Variants in ERI1 observed in about 807,000 individuals in gnomAD.
ERI1 encodes the protein exoribonuclease 1.
ERI1 carries 39 observed loss-of-function variants against 39.7 expected under a neutral mutation model. The ratio of observed to expected loss-of-function variants is 0.98; its 90% CI spans 0.76 to 1.28. The LOEUF (loss-of-function observed/expected upper bound fraction) is 1.28, where lower values mean the gene tolerates loss of function less well. Among genes scored for constraint, ERI1 ranks in the 50% most tolerant of loss-of-function variants. The probability of loss-of-function intolerance (pLI) is 0.00; values close to 1 mark genes in which losing one functional copy is unlikely to be tolerated. For missense variants in ERI1, 581 were observed against 416.9 expected (o/e 1.39, Z -3.43); for synonymous variants, 204 against 149.6 (o/e 1.36, Z -2.65).
intron 3 of ERI1, among the ~76,000 whole-genome samples, chr8:9,074,795 A>T (rs1271841567): frequency 6.6e-6 from 1 of 152,154 alleles, no homozygotes; most frequent in Admixed American, 6.5e-5. Flanking sequence ...TTTCCTTTTT[A>T]AAAATTTCTA....
At chr8:9,047,574 C>G (rs1450623878) in intron 3 of ERI1, among the ~76,000 whole-genome samples, 1 of 151,804 alleles carries the variant, frequency 6.6e-6, no homozygotes, top group Non-Finnish European at 1.5e-5. Flanking sequence ...AGGTGCATAT[C>G]TGCAGTCCCA....
chr8:9,035,167 T>C (rs1444150297), downstream of ERI1, among the ~76,000 whole-genome samples: 1 of 152,014 alleles, frequency 6.6e-6, no homozygotes, highest in African/African-American at 2.4e-5. Flanking sequence ...ATGTAGAAAT[T>C]ATAGCAAGTT....
chr8:9,037,557 C>A (rs1362655557), downstream of ERI1, among the ~76,000 whole-genome samples: 1 of 151,316 alleles, frequency 6.6e-6, no homozygotes, highest in Non-Finnish European at 1.5e-5. Flanking sequence ...CAGGTTCTTA[C>A]TTGTATCTCA....
chr8:9,057,351 C>A (rs967833621), intron 3 of ERI1, among the ~76,000 whole-genome samples: 1 of 152,194 alleles, frequency 6.6e-6, no homozygotes, highest in Admixed American at 6.5e-5. Context: ...AGGTGCTTTG[C>A]CCAACTCTGG....
At chr8:9,076,804 A>T (rs1031322456) in intron 3 of ERI1, among the ~76,000 whole-genome samples, 8 of 152,160 alleles carry the variant, frequency 5.3e-5, no homozygotes, top group Admixed American at 2.0e-4. Context: ...GGAAGCGGGG[A>T]TGTGTGTTCT....
intron 1 of ERI1, among the ~76,000 whole-genome samples, chr8:9,005,616 G>T (rs1005167447): frequency 6.7e-6 from 1 of 150,170 alleles, no homozygotes; most frequent in Admixed American, 6.7e-5. Flanking sequence ...ACGGGTTCAC[G>T]CCATTCTCCT....
chr8:9,018,887 C>G (rs1817590857), intron 5 of ERI1, among the ~76,000 whole-genome samples: 1 of 152,132 alleles, frequency 6.6e-6, no homozygotes, highest in South Asian at 2.1e-4. Context: ...TTTTCAAAGC[C>G]CATCTTGTGT....
intron 3 of ERI1, among the ~76,000 whole-genome samples, chr8:9,013,798 A>G (rs75014458): frequency 0.017 from 2,650 of 152,178 alleles, 83 homozygotes; most frequent in African/African-American, 0.059. Flanking sequence ...AAAACTTTGG[A>G]GTCATCTTTG....
At chr8:9,040,729 T>TGGG (rs5889257) in intron 3 of ERI1, among the ~76,000 whole-genome samples, 2 of 148,528 alleles carry the variant, frequency 1.3e-5, no homozygotes, top group African/African-American at 5.0e-5. Context: ...AGTGTGTGTG[T>TGGG]GGGGGGGGGG....
chr8:9,056,706 T>G (rs1405415972), intron 3 of ERI1, among the ~76,000 whole-genome samples: 1 of 152,224 alleles, frequency 6.6e-6, no homozygotes, highest in East Asian at 1.9e-4. Context: ...CCTTTACCAA[T>G]GTAGTAGCTG....
At chr8:9,073,834 A>AG (rs1469981552) in intron 3 of ERI1, among the ~76,000 whole-genome samples, 3 of 152,204 alleles carry the variant, frequency 2.0e-5, no homozygotes, top group African/African-American at 7.2e-5. Context: ...CCTTCTGTTT[A>AG]GGGTCTTTTA....
At chr8:9,080,748 C>A (rs2117450042) in intron 3 of ERI1, among the ~76,000 whole-genome samples, 1 of 152,270 alleles carries the variant, frequency 6.6e-6, no homozygotes, top group Non-Finnish European at 1.5e-5. Flanking sequence ...GCCCCTCCCC[C>A]AAGGCACCAC....
At chr8:9,069,842 C>T (rs1798993216) in intron 3 of ERI1, among the ~76,000 whole-genome samples, 1 of 152,120 alleles carries the variant, frequency 6.6e-6, no homozygotes, top group South Asian at 2.1e-4. Context: ...ATATTATTTC[C>T]TCCCTGAGTA....
chr8:9,028,347 T>C (rs1261595996), intron 6 of ERI1, among the ~76,000 whole-genome samples: 4 of 152,220 alleles, frequency 2.6e-5, no homozygotes, highest in Non-Finnish European at 4.4e-5. Flanking sequence ...AGTTATCCAG[T>C]GTGTTGGGCA....
intron 3 of ERI1, among the ~76,000 whole-genome samples, chr8:9,097,121 C>T (rs1439587880): frequency 1.3e-5 from 2 of 152,148 alleles, no homozygotes; most frequent in Non-Finnish European, 2.9e-5. Flanking sequence ...TTTACACCCC[C>T]TCCATCCTTC....
At chr8:9,006,463 A>C (rs1816030601) in intron 1 of ERI1, among the ~76,000 whole-genome samples, 1 of 152,224 alleles carries the variant, frequency 6.6e-6, no homozygotes, top group South Asian at 2.1e-4. Flanking sequence ...GCTTAAATTA[A>C]CTGAGACATC....
intron 1 of ERI1, chr8:9,004,285 C>G (rs941357390): frequency 3.3e-5 from 38 of 1,157,050 alleles, no homozygotes; most frequent in Middle Eastern, 4.9e-4. Flanking sequence ...GATACGTTGT[C>G]AATCTCATCC....
intron 3 of ERI1, among the ~76,000 whole-genome samples, chr8:9,097,588 G>T (rs1365229998): frequency 6.7e-6 from 1 of 149,910 alleles, no homozygotes; most frequent in Non-Finnish European, 1.5e-5. Flanking sequence ...AGAATCACTT[G>T]AACCAGGGCG....
chr8:9,013,524 C>G (rs540313868), intron 3 of ERI1, among the ~76,000 whole-genome samples: 13 of 152,110 alleles, frequency 8.5e-5, no homozygotes, highest in East Asian at 3.9e-4. Flanking sequence ...TCCTAGCCCC[C>G]GTTCTCTGCT....
Sources: allele counts gnomAD v4.1 joint callset (sites outside exome capture counted in the v4.1 genomes callset), GRCh38; gene constraint gnomAD v4.1.1; transcripts MANE v1.5; gene names NCBI Gene and HGNC (gene_info 2026-07-23, HGNC 2026-07-21).